The following CDH8 variants were observed in gnomAD, a reference collection of about 807,000 sequenced individuals.
CDH8 encodes cadherin-8.
Under a neutral mutation model 68.1 loss-of-function variants are expected in CDH8, and 17 were observed. The observed-to-expected ratio is 0.25, with a 90% CI of 0.17 to 0.37. The LOEUF is 0.37. Among genes scored for constraint, CDH8 ranks in the 10% least tolerant of loss-of-function variants. The probability of loss-of-function intolerance (pLI) is 1.00; values close to 1 mark genes in which losing one functional copy is unlikely to be tolerated. For missense variants in CDH8, 763 were observed against 999.3 expected, an observed-to-expected ratio of 0.76 and a Z score of 3.19; for synonymous variants, 372 against 365.1, an observed-to-expected ratio of 1.02 and a Z score of -0.21.
chr16:61,766,781 T>G (rs1455662891), intron 8 of CDH8, among the ~76,000 whole-genome samples: 1 of 152,010 alleles, frequency 6.6e-6, no homozygotes, highest in Admixed American at 6.6e-5. Context: ...ACCTACCTAC[T>G]TCAGTATCTA....
intron 4 of CDH8, among the ~76,000 whole-genome samples, chr16:61,854,224 T>C (rs533321880): frequency 8.6e-5 from 13 of 152,038 alleles, no homozygotes; most frequent in African/African-American, 2.6e-4. Flanking sequence ...AGGATTTCCA[T>C]GCAGTTAGCT....
At chr16:61,809,765 T>G (rs1961894356) in intron 7 of CDH8, among the ~76,000 whole-genome samples, 2 of 152,174 alleles carry the variant, frequency 1.3e-5, no homozygotes. Flanking sequence ...CTCAGCATAC[T>G]TTAGATGCTG....
chr16:61,666,206 G>A (rs72796846), intron 10 of CDH8, among the ~76,000 whole-genome samples: 43,291 of 144,948 alleles, frequency 0.3, 6,705 homozygotes, highest in Middle Eastern at 0.36. Flanking sequence ...GTGTGTGTGT[G>A]TATATATATA....
intron 10 of CDH8, among the ~76,000 whole-genome samples, chr16:61,697,882 G>A (rs1382126925): frequency 1.3e-5 from 2 of 152,112 alleles, no homozygotes; most frequent in African/African-American, 4.8e-5. Context: ...TAGGAAAAAC[G>A]AAAAACAACC....
intron 4 of CDH8, among the ~76,000 whole-genome samples, chr16:61,826,043 AT>A: frequency 6.6e-6 from 1 of 151,790 alleles, no homozygotes; most frequent in South Asian, 2.1e-4. Context: ...ACCTCCACAT[AT>A]TTTTTTCATA....
chr16:61,921,819 C>T (rs1964372947), intron 2 of CDH8, among the ~76,000 whole-genome samples: 1 of 152,154 alleles, frequency 6.6e-6, no homozygotes, highest in Non-Finnish European at 1.5e-5. Flanking sequence ...ATCACGAGGT[C>T]AGGAGTTCAA....
At chr16:61,729,115 A>G (rs983298669) in intron 8 of CDH8, among the ~76,000 whole-genome samples, 1 of 151,258 alleles carries the variant, frequency 6.6e-6, no homozygotes, top group African/African-American at 2.4e-5. Context: ...TGAAGTAGCT[A>G]ATGGGATCCC....
chr16:61,890,098 G>C (rs950994590), intron 3 of CDH8, among the ~76,000 whole-genome samples: 1 of 152,124 alleles, frequency 6.6e-6, no homozygotes, highest in African/African-American at 2.4e-5. Context: ...ATATATCTCT[G>C]AGAACAGAAG....
Position 62,021,311 on chromosome 16 carries a change from C to G in CDH8, c.93G>C (p.Pro31=), listed in dbSNP as rs778569450. 3 of 1,613,976 alleles carry G rather than the reference C, an allele frequency of 1.9e-6. No individual in the cohort carries two copies. The highest frequency in any genetic ancestry group is 3.3e-5 in the Admixed American group (2 of 59,986). ...ITLPPCIYMA[P]MNQSQVLMSG... ...TCATTAAAACTTGAGACTGATTCAT[C>G]GGAGCCATGTAAATGCAAGGGGGAA... is the stretch of plus-strand genomic sequence containing the variant. Residue 31 remains proline (P), a synonymous_variant, in exon 2 of 12, where the codon CCG becomes CCC. Transcript: ENST00000577390.
intron 10 of CDH8, among the ~76,000 whole-genome samples, chr16:61,674,691 G>C (rs918890992): frequency 1.3e-5 from 2 of 152,030 alleles, no homozygotes; most frequent in African/African-American, 4.8e-5. Flanking sequence ...GTGATGATAA[G>C]ATACTCCAAA....
chr16:61,749,093 T>C (rs1275751408), intron 8 of CDH8, among the ~76,000 whole-genome samples: 1 of 152,096 alleles, frequency 6.6e-6, no homozygotes, highest in Non-Finnish European at 1.5e-5. Flanking sequence ...TCATTTCATT[T>C]GGAATATCTA....
chr16:61,655,365 C>T (rs8054635), intron 11 of CDH8, 105 bp downstream of exon 11: 135,763 of 1,123,050 alleles, frequency 0.12, 9,103 homozygotes, highest in African/African-American at 0.2. Context: ...TCCTCTTCCC[C>T]AACGGAATGC....
At chr16:62,015,057 G>A (rs8048592) in intron 2 of CDH8, among the ~76,000 whole-genome samples, 6,610 of 151,936 alleles carry the variant, frequency 0.044, 362 homozygotes, top group African/African-American at 0.13. Flanking sequence ...TCTCTAATCC[G>A]AAAATCTGAA....
At chr16:61,695,609 G>A (rs1964310052) in intron 10 of CDH8, among the ~76,000 whole-genome samples, 1 of 152,068 alleles carries the variant, frequency 6.6e-6, no homozygotes, top group South Asian at 2.1e-4. Flanking sequence ...TCCTAGATGT[G>A]ACAATTCCAG....
chr16:61,972,046 C>A (rs140028399), intron 2 of CDH8, among the ~76,000 whole-genome samples: 1 of 152,094 alleles, frequency 6.6e-6, no homozygotes. Flanking sequence ...ATAATCCCCA[C>A]GTGTCAGGGT....
At chr16:61,873,292 C>T (rs1963402524) in intron 3 of CDH8, among the ~76,000 whole-genome samples, 1 of 152,094 alleles carries the variant, frequency 6.6e-6, no homozygotes. Context: ...TATTTGGTGG[C>T]ATATCCCCCA....
chr16:61,708,687 A>G (rs1170399295), intron 10 of CDH8, among the ~76,000 whole-genome samples: 1 of 152,254 alleles, frequency 6.6e-6, no homozygotes, highest in Admixed American at 6.5e-5. Flanking sequence ...AAAATGAAAC[A>G]TAAATGTCTT....
At chr16:61,777,301 T>C (rs1960925884) in intron 8 of CDH8, among the ~76,000 whole-genome samples, 1 of 152,160 alleles carries the variant, frequency 6.6e-6, no homozygotes. Flanking sequence ...GAGATAACCA[T>C]TTGCTATGAG....
intron 3 of CDH8, among the ~76,000 whole-genome samples, chr16:61,885,975 T>C (rs1004220007): frequency 6.6e-6 from 1 of 152,174 alleles, no homozygotes; most frequent in Admixed American, 6.5e-5. Context: ...TTTTTCTTAC[T>C]GAACTGAGAA....
Sources: gnomAD v4.1 joint callset for allele counts (sites outside exome capture counted in the v4.1 genomes callset) on GRCh38, gnomAD v4.1.1 for gene constraint, MANE v1.5 for transcripts, NCBI Gene and HGNC (gene_info 2026-07-23, HGNC 2026-07-21) for gene names.